PPARGC1A: variants seen among roughly 807,000 people sequenced by gnomAD.
PPARGC1A encodes the protein peroxisome proliferator-activated receptor gamma coactivator 1-alpha.
Under a neutral mutation model 88.7 loss-of-function variants are expected in PPARGC1A, and 25 were observed. That is an observed-to-expected ratio of 0.28 (90% CI 0.21 to 0.39). The LOEUF (loss-of-function observed/expected upper bound fraction) is 0.39. Ranked by LOEUF, PPARGC1A falls within the 10% of genes least tolerant of loss-of-function variation. The pLI is 1.00. For missense variants in PPARGC1A, 880 were observed against 968.7 expected (o/e 0.91, Z 1.22); for synonymous variants, 363 against 355.6 (o/e 1.02, Z -0.24).
chr4:23,869,974 T>G (rs1712935477), intron 2 of PPARGC1A, among the ~76,000 whole-genome samples: 1 of 152,238 alleles, frequency 6.6e-6, no homozygotes, highest in Non-Finnish European at 1.5e-5. Context: ...TCAAGAAAAT[T>G]TCAATAGCTG....
chr4:24,459,566 A>C, the PPARGC1A span, among the ~76,000 whole-genome samples: 1 of 152,106 alleles, frequency 6.6e-6, no homozygotes, highest in Non-Finnish European at 1.5e-5. Context: ...TGAGGCAGGC[A>C]ATAGCTTGAG....
chr4:24,279,959 G>C, the PPARGC1A span, among the ~76,000 whole-genome samples: 5 of 152,102 alleles, frequency 3.3e-5, no homozygotes, highest in Non-Finnish European at 2.9e-5. Flanking sequence ...CCCTCTGAGA[G>C]CTATTATTAG....
chr4:24,170,420 A>G, the PPARGC1A span, among the ~76,000 whole-genome samples: 1 of 152,210 alleles, frequency 6.6e-6, no homozygotes, highest in East Asian at 1.9e-4. Flanking sequence ...TCCTACCTAT[A>G]TACCAAGAGG....
chr4:24,142,018 A>G, the PPARGC1A span, among the ~76,000 whole-genome samples: 2 of 152,200 alleles, frequency 1.3e-5, no homozygotes, highest in African/African-American at 2.4e-5. Flanking sequence ...GAGGCACTCA[A>G]AGAACTATTT....
the PPARGC1A span, among the ~76,000 whole-genome samples, chr4:24,087,588 G>A: frequency 1.4e-3 from 220 of 152,264 alleles, 1 homozygote; most frequent in African/African-American, 5.2e-3. Flanking sequence ...TTCCCTCCAA[G>A]TCCTCATGCA....
At chr4:24,203,188 G>C in the PPARGC1A span, among the ~76,000 whole-genome samples, 1 of 152,230 alleles carries the variant, frequency 6.6e-6, no homozygotes, top group African/African-American at 2.4e-5. Flanking sequence ...TTCCAGATGA[G>C]AGGTAGTGGA....
intron 2 of PPARGC1A, chr4:23,880,929 G>C (rs1715802235): frequency 6.6e-6 from 1 of 152,180 alleles, no homozygotes; most frequent in African/African-American, 2.4e-5. Context: ...GCTTCATTCA[G>C]AAGTAACAGA....
At chr4:23,816,634 C>A (rs557465638) in intron 7 of PPARGC1A, among the ~76,000 whole-genome samples, 1 of 152,146 alleles carries the variant, frequency 6.6e-6, no homozygotes, top group African/African-American at 2.4e-5. Flanking sequence ...TGAGTAAATA[C>A]CAATCAAATA....
chr4:24,395,068 A>C, the PPARGC1A span, among the ~76,000 whole-genome samples: 1 of 152,230 alleles, frequency 6.6e-6, no homozygotes, highest in Admixed American at 6.5e-5. Flanking sequence ...ACCTGGGTTC[A>C]AGTCCTACTT....
At chr4:24,068,154 T>A in the PPARGC1A span, among the ~76,000 whole-genome samples, 1 of 151,944 alleles carries the variant, frequency 6.6e-6, no homozygotes, top group African/African-American at 2.4e-5. Flanking sequence ...CACTCTTTAA[T>A]GAGGTGGACA....
At chr4:23,945,146 A>G in the PPARGC1A span, among the ~76,000 whole-genome samples, 3 of 151,774 alleles carry the variant, frequency 2.0e-5, no homozygotes, top group Non-Finnish European at 4.4e-5. Context: ...CTCTCTCTCT[A>G]TCACTCAGAT....
At chr4:24,463,411 T>C in the PPARGC1A span, among the ~76,000 whole-genome samples, 9 of 152,366 alleles carry the variant, frequency 5.9e-5, no homozygotes, top group East Asian at 1.9e-4. Context: ...TTAGCAAGCC[T>C]ATGGTAACCC....
the PPARGC1A span, among the ~76,000 whole-genome samples, chr4:24,295,992 A>G: frequency 1.4e-5 from 2 of 143,890 alleles, no homozygotes; most frequent in Non-Finnish European, 3.0e-5. Context: ...CAACTACTAT[A>G]TATGTGTATG....
the PPARGC1A span, among the ~76,000 whole-genome samples, chr4:24,244,004 T>C: frequency 1.2e-4 from 18 of 152,248 alleles, no homozygotes; most frequent in Non-Finnish European, 2.2e-4. Context: ...TGAGGGTTTC[T>C]TTGTTTTTAC....
At chr4:24,310,082 G>T in the PPARGC1A span, among the ~76,000 whole-genome samples, 3 of 152,272 alleles carry the variant, frequency 2.0e-5, no homozygotes, top group East Asian at 5.8e-4. Context: ...TTCGCAAAGA[G>T]AAATTTTAAA....
At chr4:24,049,696 T>A in the PPARGC1A span, among the ~76,000 whole-genome samples, 4 of 152,260 alleles carry the variant, frequency 2.6e-5, no homozygotes, top group Admixed American at 6.5e-5. Context: ...GGGTTTGAGC[T>A]CTGTAAAAGT....
chr4:24,173,597 G>A, the PPARGC1A span, among the ~76,000 whole-genome samples: 853 of 152,270 alleles, frequency 5.6e-3, 35 homozygotes, highest in East Asian at 0.1. Context: ...TTATCAATGA[G>A]ACTACATCTG....
At chr4:23,914,341 C>G in the PPARGC1A span, among the ~76,000 whole-genome samples, 1 of 152,242 alleles carries the variant, frequency 6.6e-6, no homozygotes, top group East Asian at 1.9e-4. Flanking sequence ...CACATACTGC[C>G]TTTTCAAATA....
At chr4:24,245,749 GT>G in the PPARGC1A span, among the ~76,000 whole-genome samples, 1 of 152,188 alleles carries the variant, frequency 6.6e-6, no homozygotes, top group South Asian at 2.1e-4. Context: ...AGAATGTGGA[GT>G]TGAATACAAG....
Sources: gnomAD v4.1 joint callset for allele counts (sites outside exome capture counted in the v4.1 genomes callset) on GRCh38, gnomAD v4.1.1 for gene constraint, MANE v1.5 for transcripts, NCBI Gene and HGNC (gene_info 2026-07-23, HGNC 2026-07-21) for gene names.